The following MID1 variants were observed in gnomAD, a reference collection of about 807,000 sequenced individuals.
The protein encoded by MID1 is midline 1, also known as E3 ubiquitin-protein ligase Midline-1.
In MID1, 7 loss-of-function variants were observed where a neutral mutation model predicts 40.4. That is an observed-to-expected ratio of 0.17 (90% CI 0.10 to 0.33). The LOEUF (loss-of-function observed/expected upper bound fraction) is 0.33. Ranked by LOEUF, MID1 falls within the 10% of genes least tolerant of loss-of-function variation. The pLI is 1.00. For synonymous variants in MID1, 229 were observed against 221.2 expected, an observed-to-expected ratio of 1.04 and a Z score of -0.31; for missense variants, 367 against 558.5, an observed-to-expected ratio of 0.66 and a Z score of 3.46.
At chrX:10,520,546 C>A (rs138332551) in intron 3 of MID1, among the ~76,000 whole-genome samples, 99 of 112,283 alleles carry the variant, frequency 8.8e-4, no homozygotes, top group African/African-American at 3.1e-3. Flanking sequence ...CTTATAATTA[C>A]TGCGTAGACG....
chrX:10,545,439 A>G (rs1415465060), intron 2 of MID1, among the ~76,000 whole-genome samples: 3 of 112,014 alleles, frequency 2.7e-5, no homozygotes, highest in Non-Finnish European at 1.9e-5. Flanking sequence ...GACTTTCAAC[A>G]TATTGAAGGT....
chrX:10,713,547 C>G (rs1412157613), intron 1 of MID1, among the ~76,000 whole-genome samples: 1 of 111,445 alleles, frequency 9.0e-6, no homozygotes, highest in African/African-American at 3.3e-5. Context: ...AGGCTGGTCT[C>G]AAACTCCTGG....
At chrX:10,506,547 T>C (rs1852574555) in intron 3 of MID1, 1 of 512,264 alleles carries the variant, frequency 2.0e-6, no homozygotes. Context: ...TTGAAAGCTG[T>C]TGGGGGAAGG....
Position 10,765,688 on chromosome X carries a change from G to C in MID1, c.-187+67866C>G, listed in dbSNP as rs764671660. 4.5e-5 allele frequency among the ~76,000 whole-genome samples: 5 copies of C among 111,190 alleles called. No homozygotes were observed. The East Asian group carries it at 1.4e-3, about 31-fold the overall frequency. On this transcript the variant is annotated intron_variant, in intron 1 of 10. Coordinates refer to the MID1 transcript ENST00000380785. ...AAATTCATGTGAAACTGGAGTCCTG[G>C]TTTGAACAATAAGCATGTGCAGAAA...
At chrX:10,717,547 A>G (rs1348824683) in intron 1 of MID1, among the ~76,000 whole-genome samples, 1 of 110,494 alleles carries the variant, frequency 9.1e-6, no homozygotes, top group Admixed American at 9.6e-5. Flanking sequence ...TTCATAAAGC[A>G]AGTCCTTAGA....
intron 2 of MID1, among the ~76,000 whole-genome samples, chrX:10,549,700 T>TG (rs1241170871): frequency 1.8e-5 from 2 of 113,214 alleles, no homozygotes; most frequent in Non-Finnish European, 3.7e-5. Context: ...TAGAATCACT[T>TG]GGGGTAGTTT....
intron 1 of MID1, among the ~76,000 whole-genome samples, chrX:10,816,626 AG>A (rs1294343041): frequency 2.7e-5 from 3 of 112,171 alleles, no homozygotes; most frequent in African/African-American, 9.7e-5. Flanking sequence ...TGAATACAAT[AG>A]GTTCACAAAA....
chrX:10,749,296 C>T (rs187434025), intron 1 of MID1, among the ~76,000 whole-genome samples: 45 of 111,143 alleles, frequency 4.0e-4, no homozygotes, highest in African/African-American at 1.4e-3. Context: ...AAGACCAGCA[C>T]GTTGCTGCTC....
intron 1 of MID1, among the ~76,000 whole-genome samples, chrX:10,732,824 T>C (rs766393509): frequency 9.0e-6 from 1 of 110,529 alleles, no homozygotes; most frequent in Admixed American, 9.7e-5. Context: ...AAATACATTT[T>C]CACATACATG....
At chrX:10,693,386 C>T (rs1483399905) in intron 1 of MID1, among the ~76,000 whole-genome samples, 2 of 107,279 alleles carry the variant, frequency 1.9e-5, no homozygotes, top group Non-Finnish European at 3.8e-5. Context: ...GAGACAGGGT[C>T]TCACTGTGTT....
chrX:10,609,664 C>A (rs917207711), intron 1 of MID1, among the ~76,000 whole-genome samples: 1 of 110,057 alleles, frequency 9.1e-6, no homozygotes, highest in South Asian at 3.9e-4. Flanking sequence ...GTCAAAAAAA[C>A]CCATCAAACA....
chrX:10,662,134 A>G, intron 1 of MID1, among the ~76,000 whole-genome samples: 1 of 111,591 alleles, frequency 9.0e-6, no homozygotes, highest in Non-Finnish European at 1.9e-5. Flanking sequence ...GAGAAACTCC[A>G]TCTCTACTAA....
upstream of MID1, among the ~76,000 whole-genome samples, chrX:10,623,479 A>G (rs1935963391): frequency 8.9e-6 from 1 of 111,801 alleles, no homozygotes; most frequent in Non-Finnish European, 1.9e-5. Context: ...CTTCTTCAAA[A>G]AAAGCAGCCT....
Position 10,449,299 on chromosome X carries a change from T to G in MID1, c.*69A>C. Reference sequence around the variant, plus strand: ...TCATTACACTCATGAAGCCTGTGCTTTCTCAGTCCCCTAAATAGTGGCCTG... The same window carrying G: ...TCATTACACTCATGAAGCCTGTGCTGTCTCAGTCCCCTAAATAGTGGCCTG... On this transcript the variant is annotated 3_prime_UTR_variant, in exon 10 of 10. Coordinates refer to ENST00000317552, the MANE Select transcript of MID1 (RefSeq NM_000381.4). The G allele has an allele frequency of 2.1e-6, 2 of 952,932 alleles. No individual in the cohort carries two copies. Among genetic ancestry groups the G allele is most frequent in the African/African-American group, 3.8e-5 (2 of 52,430 alleles). The allele number at this position is 952,932 out of a possible 1,213,427, so 78.5% of individuals were successfully genotyped here.
intron 2 of MID1, among the ~76,000 whole-genome samples, chrX:10,537,867 A>C (rs779222631): frequency 2.7e-5 from 3 of 112,457 alleles, no homozygotes; most frequent in Non-Finnish European, 3.8e-5. Flanking sequence ...CTATCAGTTC[A>C]ATACCAACTT....
intron 8 of MID1, among the ~76,000 whole-genome samples, chrX:10,456,273 T>TTTC (rs1217937013): frequency 8.9e-6 from 1 of 112,266 alleles, no homozygotes; most frequent in African/African-American, 3.2e-5. Flanking sequence ...TCTAAAATCC[T>TTTC]TTCTTTTTAG....
chrX:10,572,664 C>A (rs1379320653), intron 1 of MID1, among the ~76,000 whole-genome samples: 1 of 110,504 alleles, frequency 9.0e-6, no homozygotes, highest in Non-Finnish European at 1.9e-5. Context: ...AAAACTTCTT[C>A]ATTTCTACTT....
intron 1 of MID1, among the ~76,000 whole-genome samples, chrX:10,799,967 C>T (rs1309192336): frequency 4.6e-5 from 5 of 108,602 alleles, no homozygotes; most frequent in Non-Finnish European, 7.6e-5. Flanking sequence ...ATTAACAAGA[C>T]GCAAAATTCC....
chrX:10,465,473 C>T (rs986306004), intron 7 of MID1, among the ~76,000 whole-genome samples: 1 of 109,312 alleles, frequency 9.1e-6, no homozygotes, highest in Non-Finnish European at 1.9e-5. Context: ...TTTATTACTC[C>T]TGTTTTTATA....
Sources: gnomAD v4.1 joint callset for allele counts (sites outside exome capture counted in the v4.1 genomes callset) on GRCh38, gnomAD v4.1.1 for gene constraint, MANE v1.5 for transcripts, NCBI Gene and HGNC (gene_info 2026-07-23, HGNC 2026-07-21) for gene names.